CIT: variants seen among roughly 807,000 people sequenced by gnomAD.
CIT encodes citron rho-interacting serine/threonine kinase, also known as citron Rho-interacting kinase.
A neutral mutation model predicts 272.7 loss-of-function variants in CIT; 79 were observed. That is an observed-to-expected ratio of 0.29 (90% CI 0.24 to 0.35). The LOEUF (loss-of-function observed/expected upper bound fraction) is 0.35, where lower values mean the gene tolerates loss of function less well. Ranked by LOEUF, CIT falls within the 10% of genes least tolerant of loss-of-function variation. The pLI is 1.00. For synonymous variants in CIT, 948 were observed against 995.6 expected, an observed-to-expected ratio of 0.95 and a Z score of 0.90; for missense variants, 1,909 against 2,618.3, an observed-to-expected ratio of 0.73 and a Z score of 5.91.
At chr12:119,798,219 C>T (rs1253854541) in intron 10 of CIT, among the ~76,000 whole-genome samples, 1 of 152,174 alleles carries the variant, frequency 6.6e-6, no homozygotes, top group Non-Finnish European at 1.5e-5. Context: ...TTAGACCTGC[C>T]TGTCAGCTCC....
chr12:119,739,963 T>C lies in CIT; in HGVS notation c.2958+2448A>G, dbSNP rs1270791594. ...GGAACTGAGGGTATACAATGTTATCTCCATTTTACAGACAAAGAAACAGAG... is the reference window on the plus strand; with the variant it reads ...GGAACTGAGGGTATACAATGTTATCCCCATTTTACAGACAAAGAAACAGAG... On this transcript the variant is annotated intron_variant, in intron 24 of 47. Transcript: ENST00000392521. 1.8e-4 allele frequency among the ~76,000 whole-genome samples: 27 copies of C among 152,170 alleles called. 1 individual carries two copies. The highest frequency in any genetic ancestry group is 1.8e-3 in the Admixed American group (27 of 15,284).
At chr12:119,856,159 C>G (rs143360272) in intron 4 of CIT, among the ~76,000 whole-genome samples, 205 of 152,338 alleles carry the variant, frequency 1.3e-3, no homozygotes, top group African/African-American at 4.5e-3. Flanking sequence ...CACACAAAGT[C>G]ATTGAAGTCC....
At chr12:119,732,990 C>T (rs911274706) in intron 26 of CIT, among the ~76,000 whole-genome samples, 3 of 152,170 alleles carry the variant, frequency 2.0e-5, no homozygotes, top group Non-Finnish European at 2.9e-5. Flanking sequence ...TCACAACGTA[C>T]CAATTTTGTC....
chr12:119,731,639 T>C (rs1452903673), intron 26 of CIT, among the ~76,000 whole-genome samples: 3 of 151,656 alleles, frequency 2.0e-5, no homozygotes, highest in East Asian at 3.9e-4. Flanking sequence ...CTTTGGCTTA[T>C]ACAATCTCCT....
chr12:119,761,746 C>T (rs1185780552), intron 19 of CIT, among the ~76,000 whole-genome samples: 6 of 152,180 alleles, frequency 3.9e-5, no homozygotes, highest in Non-Finnish European at 5.9e-5. Flanking sequence ...GGAAAAGAAA[C>T]CTTTCCCAGG....
chr12:119,706,824 A>T (rs1956898334), intron 40 of CIT, among the ~76,000 whole-genome samples: 1 of 152,188 alleles, frequency 6.6e-6, no homozygotes, highest in South Asian at 2.1e-4. Flanking sequence ...TGCTGGGTTG[A>T]ATGGTATTTC....
At position 119,713,664 on chromosome 12, in the gene CIT, G is replaced by A; in HGVS notation, c.4307-16C>T. The A allele has an allele frequency of 1.2e-6, 2 of 1,614,012 alleles. No individual in the cohort carries two copies. Among genetic ancestry groups the A allele is most frequent in the South Asian group, 1.1e-5 (1 of 91,024 alleles). On this transcript the variant is annotated splice_polypyrimidine_tract_variant and intron_variant, in intron 33 of 47. Coordinates refer to ENST00000392521, the MANE Select transcript of CIT (RefSeq NM_001206999.2). This position sits in a 1 kb window ranked among gnomAD's most constrained non-coding sequence, Gnocchi z 5.2. The stretch of plus-strand genomic sequence containing the variant: ...ACCTGACATTCTAGGGAAGAACAGT[G>A]AGCAACCTGAGGGCATGCTCAGCTG...
At chr12:119,812,359 C>G (rs1329149794) in intron 9 of CIT, among the ~76,000 whole-genome samples, 2 of 152,140 alleles carry the variant, frequency 1.3e-5, no homozygotes, top group Non-Finnish European at 2.9e-5. Context: ...TACGTACACC[C>G]AATAACACAT....
rs10699099 is a variant in CIT, at chr12:119,717,838, CTTTTTTTTTTTT to C, written c.4168+395_4168+406del. Among the ~76,000 whole-genome samples, 14 of 81,352 alleles carry C rather than the reference CTTTTTTTTTTTT, an allele frequency of 1.7e-4. 1 individual carries two copies. In the South Asian group the frequency reaches 7.1e-3, roughly 41 times the overall value. 53.4% of individuals were successfully genotyped at this position (81,352 alleles called of 152,430 possible). ...GGGGAGCCAGGAGACTGACTTCTTT[CTTTTTTTTTTTT>C]TTTTTTTTGAGATGGAGTTTCCCTC... is the stretch of plus-strand genomic sequence containing the variant. On this transcript the variant is annotated intron_variant, in intron 32 of 47. Coordinates refer to ENST00000392521, the MANE Select transcript of CIT (RefSeq NM_001206999.2).
chr12:119,855,316 G>A (rs918788374), intron 4 of CIT, among the ~76,000 whole-genome samples: 10 of 151,804 alleles, frequency 6.6e-5, no homozygotes, highest in African/African-American at 2.2e-4. Context: ...CCAGCTACTC[G>A]GGAGGCTGAG....
At chr12:119,783,863 A>G (rs558691604) in intron 12 of CIT, 45 bp downstream of exon 12, 2 of 1,536,642 alleles carry the variant, frequency 1.3e-6, no homozygotes, top group Admixed American at 4.2e-5. Context: ...CACACACAAC[A>G]GGAAGTGCCA....
chr12:119,773,375 A>G (rs1324669535), intron 16 of CIT, among the ~76,000 whole-genome samples: 3 of 152,130 alleles, frequency 2.0e-5, no homozygotes, highest in South Asian at 2.1e-4. Flanking sequence ...TAATTTTCCT[A>G]TGGGAAATAT....
At chr12:119,746,614 A>G (rs544456168) in intron 23 of CIT, among the ~76,000 whole-genome samples, 126 of 152,110 alleles carry the variant, frequency 8.3e-4, no homozygotes, top group African/African-American at 2.8e-3. Flanking sequence ...ACCATTAAAA[A>G]CTCATTTAAC....
Position 119,690,127 on chromosome 12 carries a change from A to G in CIT, c.6186+24T>C, listed in dbSNP as rs758004845. ...CACTCCTGGCCTCCGCAACAGACAC[A>G]CAGGCCTCGGAATGCTGCCTCACCT... On this transcript the variant is annotated intron_variant, in intron 47 of 47. Transcript: ENST00000392521. This position sits in a 1 kb window ranked among gnomAD's most constrained non-coding sequence, Gnocchi z 6.0. The G allele has an allele frequency of 6.2e-6, 9 of 1,448,440 alleles. No homozygotes were observed. The highest frequency in any genetic ancestry group is 1.5e-5 in the African/African-American group (1 of 67,892). The allele number at this position is 1,448,440 out of a possible 1,614,324, so 89.7% of individuals were successfully genotyped here. A position where few individuals can be genotyped will look rare whatever the true frequency, so the allele number is the denominator to read the frequency against.
intron 23 of CIT, among the ~76,000 whole-genome samples, chr12:119,748,861 C>T (rs924239984): frequency 3.3e-5 from 5 of 152,186 alleles, no homozygotes; most frequent in African/African-American, 1.2e-4. Context: ...CGCCTCTTGC[C>T]TGGTGGTCCT....
intron 5 of CIT, among the ~76,000 whole-genome samples, chr12:119,847,709 G>A (rs1267287648): frequency 6.6e-6 from 1 of 152,132 alleles, no homozygotes; most frequent in African/African-American, 2.4e-5. Context: ...CCACCAACAT[G>A]GCGAAACCCC....
rs182295771 is a variant in CIT, at chr12:119,759,510, G to A, written c.2422-810C>T. Among the ~76,000 whole-genome samples the A allele has an allele frequency of 4.6e-5, 7 of 152,296 alleles. No individual in the cohort carries two copies. The East Asian group carries it at 1.2e-3, about 25-fold the overall frequency. The stretch of plus-strand genomic sequence containing the variant: ...AAAATACAAAAATTAGCCAGGTGCA[G>A]TGGCACATGACTATAATCCCAGCTA... On this transcript the variant is annotated intron_variant, in intron 20 of 47. Transcript: ENST00000392521.
intron 9 of CIT, among the ~76,000 whole-genome samples, chr12:119,810,822 G>A (rs913116252): frequency 6.6e-6 from 1 of 152,088 alleles, no homozygotes; most frequent in African/African-American, 2.4e-5. Flanking sequence ...ATGGGAAGAA[G>A]AGGAAGATAT....
intron 22 of CIT, among the ~76,000 whole-genome samples, chr12:119,753,429 A>T (rs1433899009): frequency 6.6e-6 from 1 of 152,108 alleles, no homozygotes; most frequent in Non-Finnish European, 1.5e-5. Flanking sequence ...AGAACAAAGG[A>T]CATAAGGGAG....
Sources: allele counts gnomAD v4.1 joint callset (sites outside exome capture counted in the v4.1 genomes callset), GRCh38; gene constraint gnomAD v4.1.1; non-coding constraint Gnocchi (gnomAD v3.1); transcripts MANE v1.5; gene names NCBI Gene and HGNC (gene_info 2026-07-23, HGNC 2026-07-21).